KAT8: variants seen among roughly 807,000 people sequenced by gnomAD.
KAT8 encodes the protein lysine acetyltransferase 8.
KAT8 carries 40 observed loss-of-function variants against 62.9 expected under a neutral mutation model. The ratio of observed to expected loss-of-function variants is 0.64; its 90% CI spans 0.49 to 0.83. The LOEUF (loss-of-function observed/expected upper bound fraction) is 0.83. KAT8 is among the 40% of genes least tolerant of loss of function. The probability of loss-of-function intolerance (pLI) is 0.00; values close to 1 mark genes in which losing one functional copy is unlikely to be tolerated. For missense variants in KAT8, 387 were observed against 614.8 expected (o/e 0.63, Z 3.92); for synonymous variants, 278 against 254.5 (o/e 1.09, Z -0.88).
chr16:31,127,942 G>C (rs937080219), intron 5 of KAT8, 108 bp from the exon 6 acceptor site: 12 of 775,110 alleles, frequency 1.5e-5, no homozygotes, highest in African/African-American at 6.8e-5. Context: ...AAGTGTTGAG[G>C]GGGGAAACAG....
chr16:31,118,849 C>T (rs1400967481), intron 1 of KAT8: 3 of 150,440 alleles, frequency 2.0e-5, no homozygotes, highest in African/African-American at 4.9e-5. Context: ...ATTAATTCAC[C>T]TTCTAAGGTT....
Position 31,117,737 on chromosome 16 carries a change from G to C in KAT8, c.56G>C (p.Gly19Ala). ...GCGGCGGGGACTTCAGGGGTCGCGG[G>C]GGAGGGCGAGCCCGGGCCCGGGGAG... is the stretch of plus-strand genomic sequence containing the variant. Reference protein sequence around the residue: ...AVAAGTSGVAGEGEPGPGENA... With the variant: ...AVAAGTSGVAAEGEPGPGENA... Residue 19 changes from glycine to alanine, a missense_variant, in exon 1 of 11, where the codon GGG (glycine) becomes GCG (alanine). By Grantham distance (60) the Gly-to-Ala change is moderately conservative. This residue lies in a region of KAT8 where 92 missense variants were observed against 78.8 expected (regional missense o/e 1.17). Coordinates refer to ENST00000219797, the MANE Select transcript of KAT8 (RefSeq NM_032188.3). The C allele has an allele frequency of 7.3e-7, 1 of 1,379,230 alleles. No individual in the cohort carries two copies. Among genetic ancestry groups the C allele is most frequent in the Non-Finnish European group, 9.4e-7 (1 of 1,059,746 alleles). The allele number at this position is 1,379,230 out of a possible 1,614,324, so 85.4% of individuals were successfully genotyped here. A position where few individuals can be genotyped will look rare whatever the true frequency, so the allele number is the denominator to read the frequency against.
At chr16:31,123,359 G>A (rs1335975314) in intron 3 of KAT8, among the ~76,000 whole-genome samples, 2 of 152,030 alleles carry the variant, frequency 1.3e-5, no homozygotes, top group African/African-American at 4.8e-5. Context: ...TGGGACTACA[G>A]GCACGCACCA....
intron 3 of KAT8, chr16:31,125,476 T>G (rs188834599): frequency 2.8e-4 from 43 of 152,002 alleles, no homozygotes; most frequent in African/African-American, 9.9e-4. Flanking sequence ...TGGCGGCATG[T>G]GCCTGTAGTC....
intron 1 of KAT8, among the ~76,000 whole-genome samples, chr16:31,119,153 TTTTG>T (rs939467557): frequency 5.3e-5 from 8 of 152,148 alleles, no homozygotes; most frequent in Non-Finnish European, 5.9e-5. Flanking sequence ...GTGTATTTTT[TTTTG>T]TTTGTTTGTT....
chr16:31,117,671 C>A lies in KAT8; in HGVS notation c.-11C>A. 7.2e-7 allele frequency: 1 copy of A among 1,387,604 alleles called. No homozygotes were observed. Among genetic ancestry groups the A allele is most frequent in the Admixed American group, 3.6e-5 (1 of 27,802 alleles). 86.0% of individuals were successfully genotyped at this position (1,387,604 alleles called of 1,614,324 possible). On this transcript the variant is annotated 5_prime_UTR_variant, in exon 1 of 11. Transcript: ENST00000219797. ...GTGGCGTCCGATTCTGGCGTCACTT[C>A]CCTTCCCGCGATGGCGGCACAGGGA... is the stretch of plus-strand genomic sequence containing the variant.
At chr16:31,122,381 C>T (rs142226829) in intron 3 of KAT8, 2 of 152,280 alleles carry the variant, frequency 1.3e-5, no homozygotes, top group African/African-American at 4.8e-5. Context: ...TATATACAGA[C>T]ATGTTACAGT....
intron 3 of KAT8, among the ~76,000 whole-genome samples, chr16:31,121,535 A>G (rs576829353): frequency 2.3e-3 from 344 of 152,206 alleles, no homozygotes; most frequent in Admixed American, 5.6e-3. Context: ...TTGATCAACC[A>G]GCTAAATTGT....
chr16:31,119,524 G>C (rs1249023951), intron 1 of KAT8, among the ~76,000 whole-genome samples: 3 of 152,182 alleles, frequency 2.0e-5, no homozygotes, highest in Admixed American at 6.5e-5. Context: ...AACAACTGCG[G>C]GTATGTGGTA....
Position 31,117,861 on chromosome 16 carries a change from G to A in KAT8, c.180G>A (p.Thr60=), listed in dbSNP as rs766526589. The A allele has an allele frequency of 2.1e-6, 3 of 1,420,372 alleles. No homozygotes were observed. Among genetic ancestry groups the A allele is most frequent in the Admixed American group, 3.0e-5 (1 of 33,752 alleles). The allele number at this position is 1,420,372 out of a possible 1,614,324, so 88.0% of individuals were successfully genotyped here. Residue 60 remains threonine, a synonymous_variant, in exon 1 of 11, where the codon ACG becomes ACA. Coordinates refer to ENST00000219797, the MANE Select transcript of KAT8 (RefSeq NM_032188.3). ...AAGTCACGGTGGAGATCGGAGAAAC[G>A]TACCTGTGCCGGCGACCGGATAGCA... ...EPEVTVEIGE[T]YLCRRPDSTW...
intron 3 of KAT8, 77 bp from the exon 4 acceptor site, chr16:31,126,958 C>T (rs2143984815): frequency 1.3e-6 from 2 of 1,491,902 alleles, no homozygotes; most frequent in Non-Finnish European, 1.9e-6. Context: ...GGCAGGGAAG[C>T]CTTGTGGGTC....
intron 1 of KAT8, among the ~76,000 whole-genome samples, chr16:31,119,336 G>A (rs539131451): frequency 6.6e-6 from 1 of 152,174 alleles, no homozygotes; most frequent in African/African-American, 2.4e-5. Flanking sequence ...TTTTAGTAGA[G>A]ACGAAGTTTC....
intron 4 of KAT8, 43 bp downstream of exon 4, chr16:31,127,131 C>A: frequency 6.2e-7 from 1 of 1,613,978 alleles, no homozygotes; most frequent in South Asian, 1.1e-5. Flanking sequence ...CCCGTCTCCC[C>A]TTGCCGAGGA....
chr16:31,130,083 G>A lies in KAT8; in HGVS notation c.838G>A (p.Val280Met), dbSNP rs767486936. The A allele has an allele frequency of 3.7e-6, 6 of 1,613,860 alleles. No individual in the cohort carries two copies. The highest frequency in any genetic ancestry group is 3.3e-5 in the Admixed American group (2 of 59,972). Residue 280 changes from valine (V) to methionine (M), a missense_variant, in exon 7 of 11, where the codon GTG becomes ATG. Coordinates refer to ENST00000219797, the MANE Select transcript of KAT8 (RefSeq NM_032188.3). ...GGACCATAAGACACTGTACTTTGACGTGGAGCCGTTCGTCTTTTACATCCT... is the reference window on the plus strand; with the variant it reads ...GGACCATAAGACACTGTACTTTGACATGGAGCCGTTCGTCTTTTACATCCT... Reference protein sequence around the residue: ...FLDHKTLYFDVEPFVFYILTE... With the variant: ...FLDHKTLYFDMEPFVFYILTE...
At chr16:31,124,503 G>T (rs757155715) in intron 3 of KAT8, among the ~76,000 whole-genome samples, 1 of 152,004 alleles carries the variant, frequency 6.6e-6, no homozygotes, top group Non-Finnish European at 1.5e-5. Flanking sequence ...GAGGCCAGGC[G>T]CAGGCAGACC....
At chr16:31,128,880 G>A (rs1399915129) in intron 6 of KAT8, among the ~76,000 whole-genome samples, 1 of 152,232 alleles carries the variant, frequency 6.6e-6, no homozygotes, top group South Asian at 2.1e-4. Flanking sequence ...TGGGGCCTTT[G>A]GGACCTGCCT....
chr16:31,128,103 C>T lies in KAT8; in HGVS notation c.735C>T (p.Asn245=), dbSNP rs773252184. 1.1e-5 allele frequency: 18 copies of T among 1,614,082 alleles called. No individual in the cohort carries two copies. Among genetic ancestry groups the T allele is most frequent in the Non-Finnish European group, 1.4e-5 (16 of 1,180,002 alleles). Residue 245 remains asparagine (N), a synonymous_variant, in exon 6 of 11, where the codon AAC becomes AAT. Transcript: ENST00000219797. ...GGAAAGAGATCTACCGCAAGAGCAA[C>T]ATCTCCGTGTACGAAGTTGATGGCA... ...PPGKEIYRKS[N]ISVYEVDGKD... is the part of the protein sequence containing the mutation.
intron 3 of KAT8, chr16:31,120,730 G>T (rs528723835): frequency 1.4e-5 from 7 of 508,398 alleles, no homozygotes; most frequent in African/African-American, 1.1e-4. Flanking sequence ...GCAAGGAAAT[G>T]GCACAGCTGG....
chr16:31,130,983 T>C (rs1179098833), intron 10 of KAT8, 83 bp downstream of exon 10: 10 of 1,546,404 alleles, frequency 6.5e-6, no homozygotes, highest in East Asian at 2.4e-5. Flanking sequence ...TCCTTATTGC[T>C]GTCACATGAT....
Sources: allele counts gnomAD v4.1 joint callset (sites outside exome capture counted in the v4.1 genomes callset), GRCh38; gene constraint gnomAD v4.1.1; regional missense constraint gnomAD v4.1.1; transcripts MANE v1.5; gene names NCBI Gene and HGNC (gene_info 2026-07-23, HGNC 2026-07-21).